The following CBFA2T2 variants were observed in gnomAD, a reference collection of about 807,000 sequenced individuals.
CBFA2T2 encodes CBFA2/RUNX1 partner transcriptional co-repressor 2, also known as protein CBFA2T2.
In CBFA2T2, 11 loss-of-function variants were observed where a neutral mutation model predicts 62.2. The observed-to-expected ratio is 0.18, with a 90% CI of 0.11 to 0.29. CBFA2T2 has a LOEUF of 0.29. CBFA2T2 is among the 10% of genes least tolerant of loss of function. The probability of loss-of-function intolerance (pLI) is 1.00; values close to 1 mark genes in which losing one functional copy is unlikely to be tolerated. For synonymous variants in CBFA2T2, 295 were observed against 287.5 expected (o/e 1.03, Z -0.27); for missense variants, 592 against 774.1 (o/e 0.76, Z 2.79).
intron 1 of CBFA2T2, among the ~76,000 whole-genome samples, chr20:33,504,035 C>A (rs2146849621): frequency 6.6e-6 from 1 of 152,228 alleles, no homozygotes; most frequent in South Asian, 2.1e-4. Context: ...CTAGTTTATA[C>A]TGGTTTTTGT....
intron 1 of CBFA2T2, among the ~76,000 whole-genome samples, chr20:33,524,812 A>G (rs2011838298): frequency 1.3e-5 from 2 of 152,194 alleles, no homozygotes. Context: ...TGACTGCTAT[A>G]TATGTCAGAA....
intron 1 of CBFA2T2, among the ~76,000 whole-genome samples, chr20:33,584,843 A>G (rs144702703): frequency 1.4e-3 from 211 of 152,308 alleles, no homozygotes; most frequent in African/African-American, 4.8e-3. Context: ...AGCATTTACT[A>G]TATACCAAAA....
chr20:33,646,858 C>T lies in CBFA2T2; in HGVS notation c.*2212C>T, dbSNP rs2017067344. ...CCTGGGCAACAGAGCAAAACTCTGT[C>T]TCAAAAAAAAAAAAAAAAAGGCAAA... On this transcript the variant is annotated 3_prime_UTR_variant, in exon 11 of 11. Transcript: ENST00000342704. The T allele has an allele frequency of 3.1e-5, 4 of 130,582 alleles. No individual in the cohort carries two copies. The Admixed American group carries it at 3.1e-4, about 10-fold the overall frequency. The allele number at this position is 130,582 out of a possible 1,614,324, so 8.1% of individuals were successfully genotyped here. A position where few individuals can be genotyped will look rare whatever the true frequency, so the allele number is the denominator to read the frequency against.
At chr20:33,586,451 C>T (rs1428239984) in intron 1 of CBFA2T2, among the ~76,000 whole-genome samples, 2 of 152,018 alleles carry the variant, frequency 1.3e-5, no homozygotes, top group African/African-American at 4.8e-5. Flanking sequence ...ATTGTTATCT[C>T]GGTTATAGAC....
chr20:33,578,178 G>C (rs1490183285), intron 1 of CBFA2T2, among the ~76,000 whole-genome samples: 1 of 152,026 alleles, frequency 6.6e-6, no homozygotes, highest in African/African-American at 2.4e-5. Context: ...TTCCTTTACA[G>C]CTGACTACTT....
intron 1 of CBFA2T2, among the ~76,000 whole-genome samples, chr20:33,535,112 A>G (rs1218422482): frequency 6.6e-6 from 1 of 152,252 alleles, no homozygotes; most frequent in African/African-American, 2.4e-5. Flanking sequence ...CCTGCCATTT[A>G]TGCACATGCC....
chr20:33,631,906 CTAAA>C (rs2122361514), intron 8 of CBFA2T2, among the ~76,000 whole-genome samples: 1 of 152,212 alleles, frequency 6.6e-6, no homozygotes, highest in Admixed American at 6.5e-5. Context: ...AATTCATATC[CTAAA>C]TAAATGTACT....
At chr20:33,640,097 A>G (rs1398275826) in intron 9 of CBFA2T2, among the ~76,000 whole-genome samples, 1 of 152,232 alleles carries the variant, frequency 6.6e-6, no homozygotes, top group Non-Finnish European at 1.5e-5. Context: ...GGTCACAAGC[A>G]GTCAGGAGAG....
chr20:33,492,470 G>A (rs896242886), intron 1 of CBFA2T2, among the ~76,000 whole-genome samples: 3 of 148,206 alleles, frequency 2.0e-5, no homozygotes, highest in African/African-American at 7.3e-5. Context: ...TTTAAAATAT[G>A]CCCAAAAGCA....
chr20:33,592,650 T>A (rs1407099890), intron 1 of CBFA2T2, among the ~76,000 whole-genome samples: 1 of 151,782 alleles, frequency 6.6e-6, no homozygotes, highest in African/African-American at 2.4e-5. Context: ...CCCAAGAGTT[T>A]GAGGTCAGCC....
At chr20:33,543,494 GT>G (rs2146879380) in intron 1 of CBFA2T2, among the ~76,000 whole-genome samples, 1 of 152,272 alleles carries the variant, frequency 6.6e-6, no homozygotes, top group East Asian at 1.9e-4. Flanking sequence ...AAAGTAAATA[GT>G]TATTAGAGTT....
intron 1 of CBFA2T2, among the ~76,000 whole-genome samples, chr20:33,575,076 A>G (rs190766134): frequency 5.3e-5 from 8 of 152,342 alleles, no homozygotes; most frequent in African/African-American, 1.7e-4. Flanking sequence ...TGCAGGATGA[A>G]AAAGTAAATT....
chr20:33,626,876 A>G (rs1480616569), intron 6 of CBFA2T2, among the ~76,000 whole-genome samples: 1 of 152,204 alleles, frequency 6.6e-6, no homozygotes, highest in Admixed American at 6.5e-5. Flanking sequence ...ATTGTGTTGT[A>G]AGTACATTGT....
At chr20:33,571,345 CTT>C (rs2013557547) in intron 1 of CBFA2T2, among the ~76,000 whole-genome samples, 1 of 152,160 alleles carries the variant, frequency 6.6e-6, no homozygotes, top group African/African-American at 2.4e-5. Flanking sequence ...AATAGATACT[CTT>C]AATTGAATAA....
chr20:33,562,698 T>TG, intron 1 of CBFA2T2: 18 of 984,314 alleles, frequency 1.8e-5, no homozygotes, highest in Non-Finnish European at 2.2e-5. Flanking sequence ...AATATAGTTT[T>TG]GGGGGTTAAA....
At chr20:33,503,903 T>C (rs1466437353) in intron 1 of CBFA2T2, among the ~76,000 whole-genome samples, 2 of 152,056 alleles carry the variant, frequency 1.3e-5, no homozygotes, top group East Asian at 3.8e-4. Flanking sequence ...TTTCATGGCA[T>C]AGTTCTATTA....
At chr20:33,586,115 G>C (rs1460483119) in intron 1 of CBFA2T2, among the ~76,000 whole-genome samples, 1 of 152,222 alleles carries the variant, frequency 6.6e-6, no homozygotes, top group African/African-American at 2.4e-5. Context: ...TGCCAGTGCA[G>C]ATGTGATCTG....
chr20:33,598,464 A>G (rs2014982421), intron 1 of CBFA2T2, among the ~76,000 whole-genome samples: 2 of 152,220 alleles, frequency 1.3e-5, no homozygotes, highest in African/African-American at 4.8e-5. Context: ...GGAGAGAAAT[A>G]TGGCTCTGTT....
In CBFA2T2 at chr20:33,561,239, C is replaced by T. The variant is rs577250010; in HGVS notation, c.35-45717C>T. On this transcript the variant is annotated intron_variant, in intron 1 of 10. Coordinates refer to ENST00000342704, the MANE Select transcript of CBFA2T2 (RefSeq NM_001032999.3). ...GTGTTGCCCAGGCTGATCTCAAACG[C>T]CTGAGCTCAAGCGACCTGACCACCT... 1.5e-4 allele frequency among the ~76,000 whole-genome samples: 23 copies of T among 152,100 alleles called. 1 individual carries two copies. The highest frequency in any genetic ancestry group is 5.3e-4 in the African/African-American group (22 of 41,494).
Sources: gnomAD v4.1 joint callset for allele counts (sites outside exome capture counted in the v4.1 genomes callset) on GRCh38, gnomAD v4.1.1 for gene constraint, MANE v1.5 for transcripts, NCBI Gene and HGNC (gene_info 2026-07-23, HGNC 2026-07-21) for gene names.